KDM4C: variants seen among roughly 807,000 people sequenced by gnomAD.
KDM4C encodes the protein lysine demethylase 4C.
KDM4C carries 81 observed loss-of-function variants against 129.3 expected under a neutral mutation model. The observed-to-expected ratio is 0.63, with a 90% CI of 0.52 to 0.75. The LOEUF is 0.75. KDM4C is among the 30% of genes least tolerant of loss of function. The pLI is 0.00. For synonymous variants in KDM4C, 573 were observed against 456.1 expected, an observed-to-expected ratio of 1.26 and a Z score of -3.26; for missense variants, 1,457 against 1,304.0, an observed-to-expected ratio of 1.12 and a Z score of -1.81.
chr9:7,043,880 T>G (rs1047532567), intron 15 of KDM4C, among the ~76,000 whole-genome samples: 11 of 151,998 alleles, frequency 7.2e-5, no homozygotes, highest in African/African-American at 2.2e-4. Flanking sequence ...TATGTGAAAA[T>G]GGTCTTTGCA....
chr9:7,089,645 C>G (rs901939976), intron 17 of KDM4C, among the ~76,000 whole-genome samples: 1 of 152,062 alleles, frequency 6.6e-6, no homozygotes. Context: ...AGCCTAATAC[C>G]GAGCAAATAA....
intron 4 of KDM4C, among the ~76,000 whole-genome samples, chr9:6,825,029 C>A (rs1483061141): frequency 6.6e-6 from 1 of 151,572 alleles, no homozygotes; most frequent in Non-Finnish European, 1.5e-5. Context: ...ACCTGTAGTC[C>A]CAGCTACCCG....
At chr9:6,931,572 C>G (rs1047736456) in intron 8 of KDM4C, among the ~76,000 whole-genome samples, 2 of 152,062 alleles carry the variant, frequency 1.3e-5, no homozygotes, top group African/African-American at 4.8e-5. Flanking sequence ...GCAATCTTGG[C>G]TCACTGTAGC....
intron 15 of KDM4C, among the ~76,000 whole-genome samples, chr9:7,024,262 A>G (rs987576479): frequency 7.7e-6 from 1 of 130,376 alleles, no homozygotes; most frequent in African/African-American, 2.8e-5. Context: ...ATTGGAGTCT[A>G]TCTCTCTTTT....
intron 15 of KDM4C, among the ~76,000 whole-genome samples, chr9:7,040,663 A>T (rs1218887792): frequency 1.3e-5 from 2 of 151,720 alleles, no homozygotes; most frequent in Non-Finnish European, 2.9e-5. Context: ...CTTGGGAGGT[A>T]GACTTTTAGG....
intron 3 of KDM4C, 25 bp from the exon 4 acceptor site, chr9:6,814,606 C>A: frequency 7.1e-7 from 1 of 1,415,764 alleles, no homozygotes. Flanking sequence ...CTGGTTTGTA[C>A]ATTTTTGTCA....
At chr9:7,171,092 G>A (rs78095195) in intron 21 of KDM4C, among the ~76,000 whole-genome samples, 5,722 of 152,188 alleles carry the variant, frequency 0.038, 157 homozygotes, top group East Asian at 0.15. Flanking sequence ...AGTCAGATGG[G>A]ATCCTGACAG....
chr9:7,059,706 A>G (rs1587342443), intron 17 of KDM4C, among the ~76,000 whole-genome samples: 1 of 152,242 alleles, frequency 6.6e-6, no homozygotes, highest in African/African-American at 2.4e-5. Flanking sequence ...GCTAAAGCAG[A>G]TATGAGACTC....
intron 5 of KDM4C, among the ~76,000 whole-genome samples, chr9:6,877,455 C>T (rs1341085615): frequency 6.6e-6 from 1 of 152,194 alleles, no homozygotes; most frequent in Non-Finnish European, 1.5e-5. Context: ...CCGCCTCGAC[C>T]TCCCAAAGTG....
chr9:7,140,669 C>T (rs1487695986), intron 19 of KDM4C, among the ~76,000 whole-genome samples: 3 of 152,056 alleles, frequency 2.0e-5, no homozygotes, highest in African/African-American at 7.2e-5. Context: ...AGCCTTATGC[C>T]CCCAAGTTTT....
chr9:6,807,975 G>A (rs1423668704), intron 3 of KDM4C, among the ~76,000 whole-genome samples: 10 of 97,434 alleles, frequency 1.0e-4, no homozygotes, highest in Admixed American at 5.3e-4. Flanking sequence ...CAGCCGCCCC[G>A]TCCGGGAGGG....
chr9:6,823,460 A>T (rs376441842), intron 4 of KDM4C, among the ~76,000 whole-genome samples: 2 of 152,170 alleles, frequency 1.3e-5, no homozygotes, highest in African/African-American at 4.8e-5. Context: ...TCTGCAGGTC[A>T]CTGGAGGAAG....
intron 8 of KDM4C, among the ~76,000 whole-genome samples, chr9:6,933,044 T>C (rs1824050994): frequency 1.4e-5 from 2 of 148,074 alleles, no homozygotes; most frequent in African/African-American, 2.4e-5. Flanking sequence ...TCATTTGTAC[T>C]TCATCAGTGG....
At chr9:6,751,255 G>T (rs964658532) in intron 1 of KDM4C, among the ~76,000 whole-genome samples, 2 of 152,102 alleles carry the variant, frequency 1.3e-5, no homozygotes, top group South Asian at 4.1e-4. Context: ...AGACCACCTT[G>T]TGCAACATGG....
At chr9:6,869,733 G>C (rs1220324094) in intron 5 of KDM4C, among the ~76,000 whole-genome samples, 2 of 152,214 alleles carry the variant, frequency 1.3e-5, no homozygotes. Context: ...GTATGTTCTT[G>C]GGGGAGGGAA....
intron 8 of KDM4C, among the ~76,000 whole-genome samples, chr9:6,968,917 G>A (rs1204250972): frequency 6.6e-6 from 1 of 152,102 alleles, no homozygotes; most frequent in East Asian, 1.9e-4. Context: ...ATTGGAATAT[G>A]TAACTTCTGT....
chr9:7,122,171 A>C (rs967534540), intron 18 of KDM4C, among the ~76,000 whole-genome samples: 1 of 151,986 alleles, frequency 6.6e-6, no homozygotes, highest in African/African-American at 2.4e-5. Flanking sequence ...CAATCATGGC[A>C]GAAGGCAAAG....
At chr9:7,038,308 T>C (rs541631855) in intron 15 of KDM4C, among the ~76,000 whole-genome samples, 2 of 152,054 alleles carry the variant, frequency 1.3e-5, no homozygotes, top group Non-Finnish European at 2.9e-5. Flanking sequence ...TCAAATTTCA[T>C]TTTTTACAGA....
intron 4 of KDM4C, chr9:6,835,144 T>A: frequency 1.0e-6 from 1 of 975,900 alleles, no homozygotes; most frequent in Admixed American, 1.7e-5. Context: ...CATGGCGGCT[T>A]CCAGCTCCTC....
Sources: allele counts gnomAD v4.1 joint callset (sites outside exome capture counted in the v4.1 genomes callset), GRCh38; gene constraint gnomAD v4.1.1; transcripts MANE v1.5; gene names NCBI Gene and HGNC (gene_info 2026-07-23, HGNC 2026-07-21).